Variants in KNTC1 observed in about 807,000 individuals in gnomAD.
KNTC1 encodes kinetochore-associated protein 1.
Under a neutral mutation model 314.4 loss-of-function variants are expected in KNTC1, and 253 were observed. That is an observed-to-expected ratio of 0.80 (90% confidence interval 0.73 to 0.89). KNTC1 has a LOEUF of 0.89. Ranked by LOEUF, KNTC1 falls within the 40% of genes least tolerant of loss-of-function variation. The pLI, the probability that KNTC1 is intolerant of heterozygous loss-of-function variation, is 0.00. For synonymous variants in KNTC1, 901 were observed against 901.4 expected (o/e 1.00, Z 0.01); for missense variants, 2,475 against 2,572.9 (o/e 0.96, Z 0.82).
chr12:122,626,168 A>G (rs781047909), intron 63 of KNTC1, 37 bp from the exon 64 acceptor site: 1 of 1,466,816 alleles, frequency 6.8e-7, no homozygotes. Flanking sequence ...AAACTAAGTG[A>G]CTTATAAAAA....
In KNTC1 at chr12:122,584,661, C is replaced by T. The variant is rs553910500; in HGVS notation, c.3436+211C>T. Among the ~76,000 whole-genome samples the T allele has an allele frequency of 8.5e-4, 130 of 152,270 alleles. 2 individuals are homozygous for T. The South Asian group carries it at 0.014, about 17-fold the overall frequency. Reference sequence around the variant, plus strand: ...TAACAATGTCATTTCTGACTGTTGACATTACTCACTTTTGTAGGATTATGA... The same window carrying T: ...TAACAATGTCATTTCTGACTGTTGATATTACTCACTTTTGTAGGATTATGA... On this transcript the variant is annotated intron_variant, in intron 35 of 63. Transcript: ENST00000333479.
intron 2 of KNTC1, among the ~76,000 whole-genome samples, chr12:122,532,741 T>C (rs1177578542): frequency 6.6e-6 from 1 of 152,234 alleles, no homozygotes; most frequent in Non-Finnish European, 1.5e-5. Flanking sequence ...ATCTTATTCA[T>C]TCCTTTTAGG....
At chr12:122,604,729 A>G in intron 49 of KNTC1, 92 bp downstream of exon 49, 2 of 1,240,860 alleles carry the variant, frequency 1.6e-6, no homozygotes, top group Non-Finnish European at 2.3e-6. Flanking sequence ...TGGTGCCTAA[A>G]ATGGAGAAGG....
intron 52 of KNTC1, among the ~76,000 whole-genome samples, 174 bp downstream of exon 52, chr12:122,609,604 T>C (rs1872906292): frequency 6.6e-6 from 1 of 151,944 alleles, no homozygotes; most frequent in South Asian, 2.1e-4. Context: ...GTGGAAAACA[T>C]CAGAGCCAGC....
intron 63 of KNTC1, among the ~76,000 whole-genome samples, chr12:122,625,687 A>T (rs941051784): frequency 1.3e-5 from 2 of 152,158 alleles, no homozygotes. Context: ...CAGACATAGG[A>T]TCACTGTTAA....
chr12:122,593,969 C>T, intron 42 of KNTC1: 2 of 297,368 alleles, frequency 6.7e-6, no homozygotes, highest in East Asian at 7.2e-5. Context: ...GTAATCAGTA[C>T]AGAAATGCTA....
chr12:122,539,300 A>G (rs1939961686), intron 4 of KNTC1, among the ~76,000 whole-genome samples: 1 of 152,186 alleles, frequency 6.6e-6, no homozygotes, highest in South Asian at 2.1e-4. Flanking sequence ...GCCTGCCAGG[A>G]TTGAGTTTCT....
intron 62 of KNTC1, among the ~76,000 whole-genome samples, chr12:122,623,473 T>G (rs926802118): frequency 1.3e-5 from 2 of 152,216 alleles, no homozygotes; most frequent in Non-Finnish European, 2.9e-5. Flanking sequence ...CATCTGCTTG[T>G]TTATCTCTTG....
At chr12:122,602,910 G>A in intron 47 of KNTC1, 23 bp downstream of exon 47, 1 of 1,575,590 alleles carries the variant, frequency 6.3e-7, no homozygotes, top group East Asian at 2.2e-5. Context: ...AACATTGTAA[G>A]ACATTTCTGT....
chr12:122,591,571 C>T (rs1053512752), intron 42 of KNTC1, 118 bp downstream of exon 42: 2 of 646,366 alleles, frequency 3.1e-6, no homozygotes, highest in Non-Finnish European at 5.5e-6. Context: ...CTGCCTCATA[C>T]ATTTTATTAA....
chr12:122,556,861 A>G (rs968751951), intron 16 of KNTC1, among the ~76,000 whole-genome samples: 1 of 145,812 alleles, frequency 6.9e-6, no homozygotes, highest in Non-Finnish European at 1.5e-5. Context: ...TATCTCACTT[A>G]CCATAATGTC....
chr12:122,616,490 T>C (rs1873778263), intron 57 of KNTC1, among the ~76,000 whole-genome samples: 3 of 152,334 alleles, frequency 2.0e-5, no homozygotes, highest in Non-Finnish European at 2.9e-5. Context: ...CTCGATCTCC[T>C]GACCTTGTGA....
intron 59 of KNTC1, 23 bp downstream of exon 59, chr12:122,618,568 C>CA (rs376934174): frequency 0.042 from 51,627 of 1,227,862 alleles, no homozygotes; most frequent in Non-Finnish European, 0.047. Context: ...TTTGTTCTAC[C>CA]AAAAAAAAAA....
chr12:122,544,787 A>C lies in KNTC1; in HGVS notation c.669+518A>C, dbSNP rs79397013. ...ATTCTGTTTCAGATGGAGATTAGTG[A>C]AAATAAAGATGTAAATTTTTTGCCC... On this transcript the variant is annotated intron_variant, in intron 8 of 63. Coordinates refer to ENST00000333479, the MANE Select transcript of KNTC1 (RefSeq NM_014708.6). 1.3e-4 allele frequency among the ~76,000 whole-genome samples: 20 copies of C among 152,320 alleles called. No homozygotes were observed. In the East Asian group the frequency reaches 2.1e-3, roughly 16 times the overall value.
intron 8 of KNTC1, among the ~76,000 whole-genome samples, chr12:122,545,394 A>G (rs1962680378): frequency 1.3e-5 from 2 of 151,944 alleles, no homozygotes. Flanking sequence ...GCCTGGCAAC[A>G]CAGTGAGATC....
Position 122,538,443 on chromosome 12 carries a change from C to T in KNTC1, c.355C>T (p.Leu119=), listed in dbSNP as rs1416260965. The T allele has an allele frequency of 6.5e-7, 1 of 1,543,690 alleles. No individual in the cohort carries two copies. Among genetic ancestry groups the T allele is most frequent in the Non-Finnish European group, 8.9e-7 (1 of 1,128,484 alleles). The change falls in exon 4 of 64, where the codon CTA becomes TTA. Residue 119 remains leucine, a synonymous_variant. Coordinates refer to ENST00000333479, the MANE Select transcript of KNTC1 (RefSeq NM_014708.6). The part of the protein sequence containing the change: ...HLIHVTSKQT[L]LTNAFVQKAN... The stretch of plus-strand genomic sequence containing the variant: ...TATTCATGTAACATCAAAACAAACA[C>T]TACTCACTAATGTAAGATCTTGTTG...
chr12:122,564,810 A>T (rs1025595385), intron 20 of KNTC1, among the ~76,000 whole-genome samples: 1 of 152,156 alleles, frequency 6.6e-6, no homozygotes, highest in African/African-American at 2.4e-5. Flanking sequence ...CTTTGATCAT[A>T]GTCAGATTCT....
chr12:122,539,706 C>A lies in KNTC1; in HGVS notation c.397C>A (p.Arg133=). ...AFVQKANDEN[R]RTYQNLVIEK... is the part of the protein sequence containing the mutation. ...TGTTCAGAAAGCTAACGATGAAAAT[C>A]GGCGGACTTACCAGAATCTTGTCAT... Residue 133 remains arginine, a synonymous_variant, in exon 5 of 64, where the codon CGG becomes AGG. Coordinates refer to ENST00000333479, the MANE Select transcript of KNTC1 (RefSeq NM_014708.6). 4.4e-6 allele frequency: 7 copies of A among 1,580,506 alleles called. No homozygotes were observed. Among genetic ancestry groups the A allele is most frequent in the Non-Finnish European group, 6.0e-6 (7 of 1,162,640 alleles).
intron 53 of KNTC1, among the ~76,000 whole-genome samples, chr12:122,611,984 A>AAT (rs1181264659): frequency 2.0e-5 from 3 of 152,010 alleles, no homozygotes; most frequent in Admixed American, 1.3e-4. Context: ...AACCCATGGA[A>AAT]ATGGGGGCTG....
Sources: allele counts gnomAD v4.1 joint callset (sites outside exome capture counted in the v4.1 genomes callset), GRCh38; gene constraint gnomAD v4.1.1; transcripts MANE v1.5; gene names NCBI Gene and HGNC (gene_info 2026-07-23, HGNC 2026-07-21).